Variants in IL18R1 observed in about 807,000 individuals in gnomAD.
The protein encoded by IL18R1 is interleukin-18 receptor 1.
A neutral mutation model predicts 48.5 loss-of-function variants in IL18R1; 40 were observed. That is an observed-to-expected ratio of 0.82 (90% confidence interval 0.64 to 1.07). The LOEUF (loss-of-function observed/expected upper bound fraction) is 1.07, where lower values mean the gene tolerates loss of function less well. Ranked by LOEUF, IL18R1 falls within the 50% of genes least tolerant of loss-of-function variation. IL18R1 has a pLI of 0.00. For missense variants in IL18R1, 596 were observed against 633.7 expected (o/e 0.94, Z 0.64); for synonymous variants, 232 against 225.9 (o/e 1.03, Z -0.24).
rs554066002 is a variant in IL18R1 at position 102,394,272 on chromosome 2, G to T, written c.1112-197G>T. ...ATTCTTCTGTGGTGTCAAGCAGTGG[G>T]ATCTTAAAGTAGATGCTTAAAAACA... On this transcript the variant is annotated intron_variant, in intron 9 of 10. Coordinates refer to ENST00000233957, the MANE Select transcript of IL18R1 (RefSeq NM_003855.5). Among the ~76,000 whole-genome samples the T allele has an allele frequency of 1.1e-4, 16 of 152,252 alleles. No individual in the cohort carries two copies. The East Asian group carries it at 2.7e-3, about 26-fold the overall frequency.
At chr2:102,387,282 T>TG (rs2105112009) in intron 8 of IL18R1, among the ~76,000 whole-genome samples, 1 of 152,248 alleles carries the variant, frequency 6.6e-6, no homozygotes, top group South Asian at 2.1e-4. Context: ...GTGAGGCTCA[T>TG]GGGGAGGCCA....
At chr2:102,367,784 G>GTTTTTGTTTTTATTTATTTTAC (rs1395830103) in intron 2 of IL18R1, 41 bp from the exon 3 acceptor site, 1 of 1,562,368 alleles carries the variant, frequency 6.4e-7, no homozygotes, top group Non-Finnish European at 8.7e-7. Context: ...TGTCATTTTG[G>GTTTTTGTTTTTATTTATTTTAC]TTTTTGTTTT....
chr2:102,378,174 T>C (rs1472540269), intron 5 of IL18R1, among the ~76,000 whole-genome samples: 1 of 152,224 alleles, frequency 6.6e-6, no homozygotes. Flanking sequence ...TATCCATTAT[T>C]AAAAGGGTGC....
chr2:102,359,665 GTGCTTCTGGGTGTGGTCGATAGA>G lies in IL18R1; in HGVS notation c.-28-2963_-28-2941del, dbSNP rs575499219. ...CATTTTAAAAGTAAAGCTGCTCAGT[GTGCTTCTGGGTGTGGTCGATAGA>G]TGCTGTCTTGTGCTATTGAGTGAGA... is the stretch of plus-strand genomic sequence containing the variant. On this transcript the variant is annotated intron_variant, in intron 1 of 10. Coordinates refer to ENST00000233957, the MANE Select transcript of IL18R1 (RefSeq NM_003855.5). Among the ~76,000 whole-genome samples the G allele has an allele frequency of 4.9e-4, 75 of 152,316 alleles. 1 individual carries two copies. The highest frequency in any genetic ancestry group is 4.6e-3 in the Admixed American group (71 of 15,308).
chr2:102,360,558 C>T (rs759575815), intron 1 of IL18R1, among the ~76,000 whole-genome samples: 6 of 152,086 alleles, frequency 3.9e-5, no homozygotes, highest in Admixed American at 1.3e-4. Context: ...CCACTGTGCC[C>T]GGCCAAACAT....
intron 5 of IL18R1, among the ~76,000 whole-genome samples, chr2:102,380,481 A>G (rs1219173479): frequency 1.3e-5 from 2 of 152,076 alleles, no homozygotes; most frequent in East Asian, 3.9e-4. Flanking sequence ...CAGACCTGAG[A>G]GTTAGTTCTT....
intron 1 of IL18R1, among the ~76,000 whole-genome samples, chr2:102,359,113 T>C (rs1406442254): frequency 6.6e-6 from 1 of 152,190 alleles, no homozygotes; most frequent in African/African-American, 2.4e-5. Flanking sequence ...AGGGAGGACC[T>C]GTACATTATA....
chr2:102,396,628 T>G lies in IL18R1; in HGVS notation c.1368T>G (p.Leu456=). 6.2e-7 allele frequency: 1 copy of G among 1,613,384 alleles called. No individual in the cohort carries two copies. The highest frequency in any genetic ancestry group is 2.2e-5 in the East Asian group (1 of 44,870). Residue 456 remains leucine (L), a synonymous_variant, in exon 11 of 11, where the codon CTT becomes CTG. Transcript: ENST00000233957. ...TGTCTAATGAGGTCAGGTATGAACT[T>G]GAAAGTGGACTCCATGAAGCATTGG... is the stretch of plus-strand genomic sequence containing the variant. ...SYMSNEVRYE[L]ESGLHEALVE...
intron 3 of IL18R1, among the ~76,000 whole-genome samples, chr2:102,370,418 C>T (rs747376622): frequency 3.3e-5 from 5 of 152,236 alleles, no homozygotes; most frequent in South Asian, 4.1e-4. Flanking sequence ...GGAGACATTA[C>T]GAAAACACAC....
chr2:102,362,617 T>G lies in IL18R1; in HGVS notation c.-28-16T>G. ...TTTGAAAGCTTTGGCTGAATCTGTT[T>G]TATTCTGTTTTCCAGAGAAGCCATT... On this transcript the variant is annotated splice_polypyrimidine_tract_variant and intron_variant, in intron 1 of 10. Coordinates refer to ENST00000233957, the MANE Select transcript of IL18R1 (RefSeq NM_003855.5). The G allele has an allele frequency of 6.4e-7, 1 of 1,556,936 alleles. No individual in the cohort carries two copies. Among genetic ancestry groups the G allele is most frequent in the Non-Finnish European group, 8.7e-7 (1 of 1,144,770 alleles).
intron 4 of IL18R1, among the ~76,000 whole-genome samples, chr2:102,375,442 C>T (rs1051879478): frequency 2.0e-5 from 3 of 152,180 alleles, no homozygotes; most frequent in Non-Finnish European, 2.9e-5. Flanking sequence ...GCTAGCTACT[C>T]ATTCTCTGAG....
intron 3 of IL18R1, 68 bp downstream of exon 3, chr2:102,368,136 T>A: frequency 1.9e-6 from 3 of 1,549,810 alleles, no homozygotes; most frequent in Non-Finnish European, 2.7e-6. Flanking sequence ...AACTCAAATA[T>A]GCAGTAATCT....
chr2:102,377,507 G>A (rs995631978), intron 5 of IL18R1, among the ~76,000 whole-genome samples: 4 of 152,066 alleles, frequency 2.6e-5, no homozygotes, highest in East Asian at 1.9e-4. Flanking sequence ...TAGTAGAGAC[G>A]GGGTTTCACC....
chr2:102,375,281 T>A (rs1196102476), intron 4 of IL18R1, among the ~76,000 whole-genome samples: 1 of 152,232 alleles, frequency 6.6e-6, no homozygotes, highest in African/African-American at 2.4e-5. Context: ...AGTGGCTTTA[T>A]TACAATTAGT....
intron 3 of IL18R1, among the ~76,000 whole-genome samples, chr2:102,370,602 T>C (rs1270540446): frequency 6.6e-6 from 1 of 152,214 alleles, no homozygotes; most frequent in Non-Finnish European, 1.5e-5. Context: ...GCCAGATTCA[T>C]TGGATTGTGA....
At chr2:102,395,343 TA>T (rs58693797) in intron 10 of IL18R1, among the ~76,000 whole-genome samples, 1,741 of 143,346 alleles carry the variant, frequency 0.012, 22 homozygotes, top group African/African-American at 0.031. Context: ...TACTGATGCT[TA>T]AAAAAAAAAA....
At chr2:102,357,640 G>A (rs1678329482) in intron 1 of IL18R1, among the ~76,000 whole-genome samples, 2 of 152,214 alleles carry the variant, frequency 1.3e-5, no homozygotes, top group Non-Finnish European at 2.9e-5. Context: ...GGCTGTTGCA[G>A]TTGGAGAGCT....
intron 3 of IL18R1, 126 bp downstream of exon 3, chr2:102,368,194 G>A: frequency 9.7e-7 from 1 of 1,035,512 alleles, no homozygotes; most frequent in Non-Finnish European, 1.4e-6. Context: ...CTCTTCCTAT[G>A]ACATGAAATA....
intron 7 of IL18R1, among the ~76,000 whole-genome samples, chr2:102,386,026 T>C (rs190168210): frequency 8.0e-4 from 122 of 152,336 alleles, no homozygotes; most frequent in Non-Finnish European, 5.9e-5. Flanking sequence ...CTGGATTTCA[T>C]TGGTTTTAGA....
Sources: gnomAD v4.1 joint callset for allele counts (sites outside exome capture counted in the v4.1 genomes callset) on GRCh38, gnomAD v4.1.1 for gene constraint, MANE v1.5 for transcripts, NCBI Gene and HGNC (gene_info 2026-07-23, HGNC 2026-07-21) for gene names.